Variants in PDE4D observed in about 807,000 individuals in gnomAD.
PDE4D encodes 3',5'-cyclic-AMP phosphodiesterase 4D.
A neutral mutation model predicts 87.4 loss-of-function variants in PDE4D; 24 were observed. The ratio of observed to expected loss-of-function variants is 0.27; its 90% CI spans 0.20 to 0.39. The LOEUF is 0.39. PDE4D is among the 10% of genes least tolerant of loss of function. The pLI is 1.00. For missense variants in PDE4D, 714 were observed against 1,041.0 expected, an observed-to-expected ratio of 0.69 and a Z score of 4.32; for synonymous variants, 384 against 383.2, an observed-to-expected ratio of 1.00 and a Z score of -0.02.
At chr5:60,084,277 T>C (rs925583497) in intron 2 of PDE4D, among the ~76,000 whole-genome samples, 1 of 152,266 alleles carries the variant, frequency 6.6e-6, no homozygotes, top group African/African-American at 2.4e-5. Flanking sequence ...ACCATTTCTT[T>C]TATAATTGTA....
At chr5:60,356,209 T>G (rs566585294) in intron 1 of PDE4D, among the ~76,000 whole-genome samples, 30 of 152,258 alleles carry the variant, frequency 2.0e-4, no homozygotes, top group Admixed American at 6.5e-4. Flanking sequence ...AGCATTACAT[T>G]CCCATTAATA....
chr5:59,551,230 T>C (rs1174182834), intron 1 of PDE4D, among the ~76,000 whole-genome samples: 1 of 151,262 alleles, frequency 6.6e-6, no homozygotes, highest in Admixed American at 6.6e-5. Flanking sequence ...ATTTTTATTT[T>C]ATTTTAGTAA....
At chr5:59,040,955 A>G (rs963654668) in intron 5 of PDE4D, among the ~76,000 whole-genome samples, 1 of 152,152 alleles carries the variant, frequency 6.6e-6, no homozygotes, top group African/African-American at 2.4e-5. Flanking sequence ...AGTAGTTGTT[A>G]CATGTGCCAC....
Position 59,421,223 on chromosome 5 carries a change from C to G in PDE4D, c.456-205255G>C, listed in dbSNP as rs558546877. Among the ~76,000 whole-genome samples the G allele has an allele frequency of 3.2e-4, 48 of 152,176 alleles. No homozygotes were observed. In the South Asian group the frequency reaches 9.7e-3, roughly 31 times the overall value. On this transcript the variant is annotated intron_variant, in intron 1 of 14. Transcript: ENST00000340635. ...TCATTGTTTTTTGATTCAACCATTG[C>G]TTAGAAAGAAACATCAGAGCAGTAG... is the stretch of plus-strand genomic sequence containing the variant.
At chr5:59,825,727 C>A (rs920444945) in intron 1 of PDE4D, among the ~76,000 whole-genome samples, 1 of 152,152 alleles carries the variant, frequency 6.6e-6, no homozygotes, top group African/African-American at 2.4e-5. Context: ...AGTTGAACAA[C>A]TTGAGCTGTA....
At chr5:60,316,028 T>G (rs1755550570) in intron 1 of PDE4D, among the ~76,000 whole-genome samples, 1 of 152,266 alleles carries the variant, frequency 6.6e-6, no homozygotes, top group East Asian at 1.9e-4. Flanking sequence ...TTGAAGAAAG[T>G]CATTGGTAGC....
At chr5:58,976,569 A>T in intron 12 of PDE4D, 97 bp from the exon 13 acceptor site, 3 of 947,634 alleles carry the variant, frequency 3.2e-6, no homozygotes. Context: ...ATAAAACAAC[A>T]CTATGCCTTT....
chr5:59,816,341 C>A (rs1399575829), intron 1 of PDE4D, among the ~76,000 whole-genome samples: 1 of 151,992 alleles, frequency 6.6e-6, no homozygotes, highest in Non-Finnish European at 1.5e-5. Context: ...TCGTTTTTTT[C>A]TCATCTGGAA....
intron 1 of PDE4D, among the ~76,000 whole-genome samples, chr5:60,289,575 A>G (rs769663977): frequency 7.9e-5 from 12 of 152,320 alleles, no homozygotes; most frequent in Non-Finnish European, 1.5e-4. Context: ...AAATAGCAAT[A>G]AAAAATAACT....
chr5:58,996,370 C>T (rs1749224479), intron 6 of PDE4D, among the ~76,000 whole-genome samples: 1 of 152,126 alleles, frequency 6.6e-6, no homozygotes, highest in Admixed American at 6.5e-5. Context: ...AAAGAGTCTG[C>T]TAAACATTTT....
intron 5 of PDE4D, among the ~76,000 whole-genome samples, chr5:59,077,442 T>C (rs1202645714): frequency 1.3e-5 from 2 of 151,816 alleles, no homozygotes. Context: ...ATACTGTATA[T>C]CTGCAGGATG....
At chr5:60,047,601 AT>A (rs1262318792) in intron 2 of PDE4D, among the ~76,000 whole-genome samples, 1 of 151,980 alleles carries the variant, frequency 6.6e-6, no homozygotes, top group Non-Finnish European at 1.5e-5. Flanking sequence ...GAACATCTTA[AT>A]TTCTGCCTTC....
chr5:60,076,344 G>A (rs1582528219), intron 2 of PDE4D, among the ~76,000 whole-genome samples: 2 of 152,214 alleles, frequency 1.3e-5, no homozygotes, highest in Middle Eastern at 6.8e-3. Context: ...ATTTTTAGTA[G>A]AGATGGGGTT....
chr5:59,216,010 AC>A, intron 1 of PDE4D, 42 bp from the exon 2 acceptor site: 1 of 1,398,118 alleles, frequency 7.2e-7, no homozygotes, highest in Non-Finnish European at 9.9e-7. Flanking sequence ...GTGAACATTC[AC>A]ATGTTCATAT....
chr5:60,261,069 A>C (rs545077847), intron 1 of PDE4D, among the ~76,000 whole-genome samples: 2 of 152,156 alleles, frequency 1.3e-5, no homozygotes, highest in Non-Finnish European at 2.9e-5. Context: ...GAAGACATAA[A>C]AATGAAGGAA....
At chr5:60,032,480 C>G (rs1400931768) in intron 2 of PDE4D, among the ~76,000 whole-genome samples, 1 of 152,146 alleles carries the variant, frequency 6.6e-6, no homozygotes. Flanking sequence ...GTAAGAGTTT[C>G]CAGGACTCAT....
intron 1 of PDE4D, among the ~76,000 whole-genome samples, chr5:59,406,157 T>C (rs76908447): frequency 0.05 from 7,688 of 152,250 alleles, 321 homozygotes; most frequent in South Asian, 0.21. Context: ...CATCAGATCC[T>C]GGGCTTTTCT....
intron 1 of PDE4D, among the ~76,000 whole-genome samples, chr5:60,364,599 T>C (rs1349740519): frequency 1.3e-5 from 2 of 152,208 alleles, no homozygotes; most frequent in African/African-American, 4.8e-5. Flanking sequence ...ATCAGTAAAA[T>C]GTCATTTTTT....
chr5:59,688,057 A>C (rs574967230), intron 1 of PDE4D, among the ~76,000 whole-genome samples: 37 of 152,342 alleles, frequency 2.4e-4, no homozygotes, highest in African/African-American at 6.0e-4. Context: ...AGGAGCACCC[A>C]GATTCATAAA....
Sources: gnomAD v4.1 joint callset for allele counts (sites outside exome capture counted in the v4.1 genomes callset) on GRCh38, gnomAD v4.1.1 for gene constraint, MANE v1.5 for transcripts, NCBI Gene and HGNC (gene_info 2026-07-23, HGNC 2026-07-21) for gene names.